Variants in PARD3 observed in about 807,000 individuals in gnomAD.
PARD3 encodes partitioning defective 3 homolog.
Under a neutral mutation model 155.4 loss-of-function variants are expected in PARD3, and 75 were observed. The observed-to-expected ratio is 0.48, with a 90% CI of 0.40 to 0.58. The LOEUF is 0.58. Ranked by LOEUF, PARD3 falls within the 20% of genes least tolerant of loss-of-function variation. The pLI is 0.00. For missense variants in PARD3, 1,642 were observed against 1,721.7 expected, an observed-to-expected ratio of 0.95 and a Z score of 0.82; for synonymous variants, 576 against 610.5, an observed-to-expected ratio of 0.94 and a Z score of 0.83.
chr10:34,515,103 C>T (rs2081628993), intron 3 of PARD3, among the ~76,000 whole-genome samples: 1 of 152,128 alleles, frequency 6.6e-6, no homozygotes, highest in African/African-American at 2.4e-5. Context: ...ATTGTATACA[C>T]AGGATCATTC....
rs1328768216 is a variant in PARD3 at position 34,450,400 on chromosome 10, T to C, written c.631A>G (p.Asn211Asp). The C allele has an allele frequency of 2.5e-6, 4 of 1,613,848 alleles. No individual in the cohort carries two copies. The East Asian group carries it at 6.7e-5, about 27-fold the overall frequency. ...SLPRDTSNWSNQFQRDNARSS... is the reference protein window; with the variant it reads ...SLPRDTSNWSDQFQRDNARSS... ...CGAGCATTGTCTCTCTGAAATTGGT[T>C]AGACCAGTTACTAGTATCCCGCGGG... Residue 211 changes from asparagine to aspartate, a missense_variant, in exon 5 of 25, where the codon AAC (asparagine) becomes GAC (aspartate). This residue lies in a region of PARD3 where 1,529 missense variants were observed against 1,587.3 expected (regional missense o/e 0.96). Transcript: ENST00000374788.
At chr10:34,503,828 G>A (rs997539419) in intron 3 of PARD3, among the ~76,000 whole-genome samples, 2 of 152,192 alleles carry the variant, frequency 1.3e-5, no homozygotes, top group African/African-American at 4.8e-5. Context: ...TACACAGTGT[G>A]CCAGTACACA....
intron 18 of PARD3, among the ~76,000 whole-genome samples, chr10:34,334,055 T>C (rs1835891404): frequency 2.6e-5 from 4 of 151,884 alleles, no homozygotes; most frequent in Admixed American, 2.6e-4. Context: ...ATTTACATCA[T>C]AAAAGTTAGT....
chr10:34,787,120 G>A (rs1037309472), intron 1 of PARD3, among the ~76,000 whole-genome samples: 2 of 152,228 alleles, frequency 1.3e-5, no homozygotes, highest in South Asian at 2.1e-4. Context: ...AGTGGCTCAC[G>A]CCTGTAATCC....
chr10:34,607,382 A>G (rs2090551270), intron 2 of PARD3, among the ~76,000 whole-genome samples: 1 of 152,236 alleles, frequency 6.6e-6, no homozygotes, highest in Admixed American at 6.5e-5. Flanking sequence ...GGCTTAAATG[A>G]TGGATTTTGT....
intron 5 of PARD3, among the ~76,000 whole-genome samples, chr10:34,436,646 T>C (rs1297142490): frequency 6.6e-6 from 1 of 152,206 alleles, no homozygotes; most frequent in Non-Finnish European, 1.5e-5. Flanking sequence ...GACTTATCTA[T>C]AACAGGTTAT....
chr10:34,639,122 G>A (rs1206676640), intron 2 of PARD3, among the ~76,000 whole-genome samples: 1 of 152,166 alleles, frequency 6.6e-6, no homozygotes, highest in South Asian at 2.1e-4. Flanking sequence ...ACACCTGGGT[G>A]CAGTGGCTCA....
chr10:34,734,580 C>T (rs920599265), intron 1 of PARD3, among the ~76,000 whole-genome samples: 1 of 151,720 alleles, frequency 6.6e-6, no homozygotes, highest in Admixed American at 6.6e-5. Flanking sequence ...CCTTGTGATC[C>T]GCCCACCTCG....
chr10:34,406,224 C>A (rs1030161681), intron 5 of PARD3, among the ~76,000 whole-genome samples: 1 of 152,130 alleles, frequency 6.6e-6, no homozygotes, highest in Non-Finnish European at 1.5e-5. Context: ...ACTGAAAAAA[C>A]AATTCAGTGT....
intron 2 of PARD3, among the ~76,000 whole-genome samples, chr10:34,646,133 A>C (rs535819472): frequency 2.0e-5 from 3 of 152,348 alleles, no homozygotes; most frequent in Non-Finnish European, 4.4e-5. Flanking sequence ...AACCACTCAC[A>C]GTCAAATAAA....
At chr10:34,212,565 A>G (rs1251073140) in intron 22 of PARD3, among the ~76,000 whole-genome samples, 1 of 152,122 alleles carries the variant, frequency 6.6e-6, no homozygotes, top group Non-Finnish European at 1.5e-5. Context: ...TGTCACCATA[A>G]AATGTTAAAA....
At chr10:34,322,349 G>A (rs892840700) in intron 19 of PARD3, among the ~76,000 whole-genome samples, 1 of 152,102 alleles carries the variant, frequency 6.6e-6, no homozygotes, top group Admixed American at 6.6e-5. Context: ...GAAAAATGTT[G>A]GGTCTTTGGA....
In PARD3 at chr10:34,526,188, G is replaced by T. The variant is rs959589917; in HGVS notation, c.223-9029C>A. Among the ~76,000 whole-genome samples the T allele has an allele frequency of 1.6e-4, 24 of 149,570 alleles. 1 individual carries two copies. Among genetic ancestry groups the T allele is most frequent in the Non-Finnish European group, 3.0e-4 (20 of 67,690 alleles). Reference sequence around the variant, plus strand: ...TCTCTCATACACAGACACACACACAGCCTCTCTAAACTGTAATTAAAAGAC... The same window carrying T: ...TCTCTCATACACAGACACACACACATCCTCTCTAAACTGTAATTAAAAGAC... On this transcript the variant is annotated intron_variant, in intron 2 of 24. Coordinates refer to ENST00000374788, the MANE Select transcript of PARD3 (RefSeq NM_001184785.2).
chr10:34,361,746 A>G (rs1408538466), intron 12 of PARD3, among the ~76,000 whole-genome samples: 2 of 152,238 alleles, frequency 1.3e-5, no homozygotes, highest in Non-Finnish European at 2.9e-5. Flanking sequence ...ATTTTATGGT[A>G]GGACATCTTT....
intron 1 of PARD3, among the ~76,000 whole-genome samples, chr10:34,749,960 T>A (rs1835777853): frequency 6.6e-6 from 1 of 151,660 alleles, no homozygotes; most frequent in South Asian, 2.1e-4. Flanking sequence ...AGGCGAAGGC[T>A]GCAATGAGCC....
intron 22 of PARD3, among the ~76,000 whole-genome samples, chr10:34,149,198 G>C (rs916295966): frequency 6.6e-6 from 1 of 152,004 alleles, no homozygotes; most frequent in Admixed American, 6.5e-5. Flanking sequence ...ATAAATAATA[G>C]GATAAAAACA....
chr10:34,236,599 G>C (rs1353259387), intron 22 of PARD3, among the ~76,000 whole-genome samples: 1 of 152,060 alleles, frequency 6.6e-6, no homozygotes, highest in Admixed American at 6.6e-5. Context: ...AAATTGTCTT[G>C]CAACCCTGAC....
At chr10:34,336,056 T>G (rs747249110) in intron 18 of PARD3, 143 bp downstream of exon 18, 1 of 584,488 alleles carries the variant, frequency 1.7e-6, no homozygotes, top group Admixed American at 3.2e-5. Context: ...TCTTTTCTTA[T>G]GTAATTCAAT....
intron 5 of PARD3, among the ~76,000 whole-genome samples, chr10:34,414,088 C>T (rs1845404341): frequency 1.3e-5 from 2 of 151,978 alleles, no homozygotes; most frequent in African/African-American, 4.8e-5. Flanking sequence ...GTCTCAGCGA[C>T]TCAGGAGGCT....
Sources: gnomAD v4.1 joint callset for allele counts (sites outside exome capture counted in the v4.1 genomes callset) on GRCh38, gnomAD v4.1.1 for gene constraint, gnomAD v4.1.1 regional missense constraint, MANE v1.5 for transcripts, NCBI Gene and HGNC (gene_info 2026-07-23, HGNC 2026-07-21) for gene names.